Variants in EYS observed in about 807,000 individuals in gnomAD.
The protein encoded by EYS is protein eyes shut homolog.
EYS carries 250 observed loss-of-function variants against 282.1 expected under a neutral mutation model. The ratio of observed to expected loss-of-function variants is 0.89; its 90% CI spans 0.80 to 0.98. EYS has a LOEUF of 0.98. Among genes scored for constraint, EYS ranks in the 50% least tolerant of loss-of-function variants. The pLI, the probability that EYS is intolerant of heterozygous loss-of-function variation, is 0.00. For synonymous variants in EYS, 1,355 were observed against 1,282.9 expected, an observed-to-expected ratio of 1.06 and a Z score of -1.20; for missense variants, 4,016 against 3,709.0, an observed-to-expected ratio of 1.08 and a Z score of -2.15.
At chr6:64,561,440 C>A (rs957749179) in intron 26 of EYS, among the ~76,000 whole-genome samples, 1 of 152,014 alleles carries the variant, frequency 6.6e-6, no homozygotes, top group Admixed American at 6.6e-5. Context: ...AGTCTCCACC[C>A]AAAAGCTCAT....
At chr6:64,942,773 A>T (rs1445998150) in intron 15 of EYS, among the ~76,000 whole-genome samples, 1 of 150,826 alleles carries the variant, frequency 6.6e-6, no homozygotes, top group Non-Finnish European at 1.5e-5. Flanking sequence ...GATTCACGCC[A>T]AATTTTACTA....
At chr6:65,105,188 A>G (rs1040118115) in intron 12 of EYS, among the ~76,000 whole-genome samples, 13 of 151,804 alleles carry the variant, frequency 8.6e-5, no homozygotes, top group African/African-American at 3.1e-4. Context: ...ATGAAAGACA[A>G]TAATTACTAA....
rs373215488 is a variant in EYS at position 64,593,390 on chromosome 6, C to T, written c.3685-81G>A. The T allele has an allele frequency of 2.0e-5, 22 of 1,089,842 alleles. No individual in the cohort carries two copies. In the African/African-American group the frequency reaches 2.1e-4, roughly 10 times the overall value. 67.5% of individuals were successfully genotyped at this position (1,089,842 alleles called of 1,614,324 possible). A position where few individuals can be genotyped will look rare whatever the true frequency, so the allele number is the denominator to read the frequency against. On this transcript the variant is annotated intron_variant, in intron 24 of 42. Coordinates refer to ENST00000503581, the MANE Select transcript of EYS (RefSeq NM_001142800.2). ...AAATTGTAAAGTTTGTTTTGAGATC[C>T]ATTTGCATTTCCATAGACATATTGG...
At chr6:65,327,510 T>C (rs931763516) in intron 11 of EYS, among the ~76,000 whole-genome samples, 2 of 151,702 alleles carry the variant, frequency 1.3e-5, no homozygotes, top group African/African-American at 4.8e-5. Flanking sequence ...AGGTGTATAA[T>C]CTACTTAGCT....
At chr6:64,582,453 G>A (rs898544084) in intron 26 of EYS, among the ~76,000 whole-genome samples, 1 of 152,100 alleles carries the variant, frequency 6.6e-6, no homozygotes, top group Non-Finnish European at 1.5e-5. Context: ...GGTCCCTGGT[G>A]CCAGAAATTT....
At chr6:63,837,930 G>T (rs1235711104) in intron 36 of EYS, among the ~76,000 whole-genome samples, 2 of 152,138 alleles carry the variant, frequency 1.3e-5, no homozygotes, top group African/African-American at 4.8e-5. Flanking sequence ...CATGAATTTT[G>T]AGTTTTCTTG....
Position 64,824,107 on chromosome 6 carries a change from C to A in EYS, c.2993-1285G>T, listed in dbSNP as rs576588408. On this transcript the variant is annotated intron_variant, in intron 19 of 42. Transcript: ENST00000503581. ...TCTTTACATTATCTTCACTCTGAGA[C>A]CAATGTTAATGAAGCATACTCTACC... Among the ~76,000 whole-genome samples the A allele has an allele frequency of 1.6e-4, 24 of 151,868 alleles. No homozygotes were observed. The East Asian group carries it at 4.7e-3, about 30-fold the overall frequency.
At chr6:65,491,776 T>C (rs1766054430) in intron 4 of EYS, among the ~76,000 whole-genome samples, 1 of 152,182 alleles carries the variant, frequency 6.6e-6, no homozygotes, top group African/African-American at 2.4e-5. Flanking sequence ...GTTGAAGTCC[T>C]ATCCCTCAGC....
chr6:64,030,681 C>T (rs749946484), intron 33 of EYS, among the ~76,000 whole-genome samples: 10 of 152,218 alleles, frequency 6.6e-5, no homozygotes, highest in Non-Finnish European at 1.3e-4. Flanking sequence ...GGTCCCGTGT[C>T]AGCCATCTTG....
At chr6:65,095,068 A>T (rs55948347) in intron 12 of EYS, among the ~76,000 whole-genome samples, 1 of 151,384 alleles carries the variant, frequency 6.6e-6, no homozygotes, top group Non-Finnish European at 1.5e-5. Context: ...ATTCCTCACC[A>T]AAAGATTGGA....
intron 2 of EYS, among the ~76,000 whole-genome samples, chr6:65,519,842 G>T (rs1767297101): frequency 6.9e-6 from 1 of 145,006 alleles, no homozygotes; most frequent in Non-Finnish European, 1.5e-5. Context: ...TCAACCTCCT[G>T]AGTAGCTAGG....
chr6:65,202,821 C>A (rs186155965), intron 12 of EYS, among the ~76,000 whole-genome samples: 4 of 152,180 alleles, frequency 2.6e-5, no homozygotes, highest in African/African-American at 9.6e-5. Context: ...GGAGACTCAC[C>A]AATAAGAGGG....
At chr6:63,779,968 A>G (rs145323269) in intron 39 of EYS, among the ~76,000 whole-genome samples, 3,742 of 152,122 alleles carry the variant, frequency 0.025, 150 homozygotes, top group African/African-American at 0.086. Flanking sequence ...TCATTGTTCA[A>G]TTCCCACCTA....
chr6:65,413,518 T>C (rs1767108886), intron 5 of EYS, among the ~76,000 whole-genome samples: 1 of 152,108 alleles, frequency 6.6e-6, no homozygotes, highest in Admixed American at 6.5e-5. Flanking sequence ...GCAAGGAATA[T>C]CTAAGATTTA....
In EYS at chr6:64,726,875, T is replaced by C. The variant is rs558012629; in HGVS notation, c.3443+86503A>G. Among the ~76,000 whole-genome samples the C allele has an allele frequency of 5.3e-5, 8 of 152,304 alleles. No individual in the cohort carries two copies. The East Asian group carries it at 1.5e-3, about 29-fold the overall frequency. On this transcript the variant is annotated intron_variant, in intron 22 of 42. Coordinates refer to ENST00000503581, the MANE Select transcript of EYS (RefSeq NM_001142800.2). The stretch of plus-strand genomic sequence containing the variant: ...CCATTTCAGGCTTTCAAAACAGACT[T>C]ACAAATGAAACATTTCATAAACAAT...
intron 2 of EYS, among the ~76,000 whole-genome samples, chr6:65,613,593 T>C (rs1319969879): frequency 6.6e-6 from 1 of 151,866 alleles, no homozygotes; most frequent in Non-Finnish European, 1.5e-5. Flanking sequence ...ACAGAATTTA[T>C]TTAAATATGT....
chr6:65,371,355 G>A (rs1765133532), intron 8 of EYS, among the ~76,000 whole-genome samples: 1 of 151,552 alleles, frequency 6.6e-6, no homozygotes, highest in Non-Finnish European at 1.5e-5. Context: ...GTGGGTGGAG[G>A]TCCCTAGTAC....
At chr6:65,384,562 T>G (rs1765732102) in intron 7 of EYS, 62 bp from the exon 8 acceptor site, 1 of 833,494 alleles carries the variant, frequency 1.2e-6, no homozygotes, top group African/African-American at 1.7e-5. Flanking sequence ...AAAAGCCTAT[T>G]AACATTATTC....
At chr6:64,768,582 C>A (rs1425648084) in intron 22 of EYS, among the ~76,000 whole-genome samples, 1 of 152,132 alleles carries the variant, frequency 6.6e-6, no homozygotes, top group Non-Finnish European at 1.5e-5. Flanking sequence ...TTAAATGTGT[C>A]CCTGGTCATA....
Sources: allele counts gnomAD v4.1 joint callset (sites outside exome capture counted in the v4.1 genomes callset), GRCh38; gene constraint gnomAD v4.1.1; transcripts MANE v1.5; gene names NCBI Gene and HGNC (gene_info 2026-07-23, HGNC 2026-07-21).